Variants in STIM2 observed in about 807,000 individuals in gnomAD.
STIM2 encodes stromal interaction molecule 2.
A neutral mutation model predicts 85.8 loss-of-function variants in STIM2; 31 were observed. The ratio of observed to expected loss-of-function variants is 0.36; its 90% confidence interval spans 0.27 to 0.49. The LOEUF (loss-of-function observed/expected upper bound fraction) is 0.49, where lower values mean the gene tolerates loss of function less well. STIM2 is among the 20% of genes least tolerant of loss of function. STIM2 has a pLI of 0.98. For synonymous variants in STIM2, 356 were observed against 331.1 expected (o/e 1.08, Z -0.82); for missense variants, 841 against 927.6 (o/e 0.91, Z 1.21).
At chr4:27,020,178 T>A (rs1196463124) in intron 11 of STIM2, among the ~76,000 whole-genome samples, 1 of 152,216 alleles carries the variant, frequency 6.6e-6, no homozygotes, top group African/African-American at 2.4e-5. Flanking sequence ...GAGGCTAGTT[T>A]TTAAAATACT....
intron 2 of STIM2, among the ~76,000 whole-genome samples, chr4:26,929,979 A>T (rs1725145380): frequency 6.6e-6 from 1 of 152,146 alleles, no homozygotes; most frequent in South Asian, 2.1e-4. Context: ...AAGAGAATAA[A>T]TGTCTGATAA....
chr4:26,875,015 T>C (rs1187073931), intron 1 of STIM2, among the ~76,000 whole-genome samples: 1 of 152,214 alleles, frequency 6.6e-6, no homozygotes, highest in Non-Finnish European at 1.5e-5. Context: ...CAGTACTCAC[T>C]AGTTTGCAGA....
At chr4:26,907,840 A>G (rs1724186750) in intron 1 of STIM2, among the ~76,000 whole-genome samples, 1 of 152,222 alleles carries the variant, frequency 6.6e-6, no homozygotes, top group Non-Finnish European at 1.5e-5. Flanking sequence ...AATATCATTG[A>G]ACATCAAGTC....
At chr4:26,962,598 G>A (rs1005596902) in intron 3 of STIM2, among the ~76,000 whole-genome samples, 7 of 110,850 alleles carry the variant, frequency 6.3e-5, no homozygotes, top group African/African-American at 2.4e-4. Flanking sequence ...GTGTGTGTGT[G>A]TGTATGTGTG....
chr4:26,938,544 T>TAA (rs1725477417), intron 2 of STIM2, among the ~76,000 whole-genome samples: 1 of 152,162 alleles, frequency 6.6e-6, no homozygotes, highest in African/African-American at 2.4e-5. Flanking sequence ...CTATCCAGCA[T>TAA]TTAGCCTGCA....
intron 3 of STIM2, among the ~76,000 whole-genome samples, chr4:26,962,403 G>A (rs1030963056): frequency 6.6e-6 from 1 of 152,180 alleles, no homozygotes; most frequent in African/African-American, 2.4e-5. Flanking sequence ...AAAATGAACA[G>A]ACTAAGCTAT....
At chr4:26,865,557 TTGA>T (rs1722372098) in intron 1 of STIM2, among the ~76,000 whole-genome samples, 2 of 152,174 alleles carry the variant, frequency 1.3e-5, no homozygotes, top group Non-Finnish European at 2.9e-5. Flanking sequence ...GGCCTAATCA[TTGA>T]TGATAATTGT....
chr4:26,887,183 CTTTTTTTTTTT>C lies in STIM2; in HGVS notation c.151+25828_151+25838del, dbSNP rs34736602. 5.5e-4 allele frequency among the ~76,000 whole-genome samples: 39 copies of C among 70,958 alleles called. 1 individual carries two copies. Among genetic ancestry groups the C allele is most frequent in the African/African-American group, 1.6e-3 (28 of 17,666 alleles). The allele number at this position is 70,958 out of a possible 152,430, so 46.6% of individuals were successfully genotyped here. ...ATAAGCACCAAACCAAATAATTAAA[CTTTTTTTTTTT>C]TTTTTTTTTTTTTGCCTCTTGCCTT... On this transcript the variant is annotated intron_variant, in intron 1 of 11. Coordinates refer to ENST00000467087, the MANE Select transcript of STIM2 (RefSeq NM_020860.4).
intron 1 of STIM2, among the ~76,000 whole-genome samples, chr4:26,906,694 A>G (rs1724138775): frequency 6.6e-6 from 1 of 152,170 alleles, no homozygotes; most frequent in Non-Finnish European, 1.5e-5. Flanking sequence ...TGGACTGGAA[A>G]TGATATTCTG....
intron 1 of STIM2, among the ~76,000 whole-genome samples, chr4:26,902,173 A>G (rs1723949072): frequency 6.6e-6 from 1 of 152,164 alleles, no homozygotes; most frequent in African/African-American, 2.4e-5. Flanking sequence ...GTGGTGCTAG[A>G]GATAGGGAGA....
intron 4 of STIM2, among the ~76,000 whole-genome samples, chr4:26,997,322 C>A (rs943810992): frequency 3.9e-5 from 6 of 152,276 alleles, no homozygotes; most frequent in Admixed American, 6.5e-5. Flanking sequence ...GACATTAAAA[C>A]CCTTTACATT....
intron 1 of STIM2, among the ~76,000 whole-genome samples, chr4:26,891,318 G>A (rs902958730): frequency 3.3e-5 from 5 of 152,148 alleles, no homozygotes; most frequent in African/African-American, 1.2e-4. Flanking sequence ...TGAAAAAGAA[G>A]TATTTCTGCC....
Position 26,884,795 on chromosome 4 carries a change from C to T in STIM2, c.151+23426C>T, listed in dbSNP as rs563383320. 2.0e-5 allele frequency among the ~76,000 whole-genome samples: 3 copies of T among 152,222 alleles called. No homozygotes were observed. In the East Asian group the frequency reaches 5.8e-4, roughly 29 times the overall value. ...CTTCACATGAAATAACTCATTTAGT[C>T]CTCACAAGCTTATGGGGTAGATCCG... On this transcript the variant is annotated intron_variant, in intron 1 of 11. Transcript: ENST00000467087.
chr4:26,899,783 T>C (rs1023460284), intron 1 of STIM2, among the ~76,000 whole-genome samples: 8 of 152,180 alleles, frequency 5.3e-5, no homozygotes, highest in African/African-American at 1.7e-4. Flanking sequence ...ATTTTAAAAA[T>C]AGACTTTGTA....
chr4:26,990,326 A>C (rs1178086183), intron 3 of STIM2, among the ~76,000 whole-genome samples: 1 of 152,158 alleles, frequency 6.6e-6, no homozygotes, highest in Non-Finnish European at 1.5e-5. Flanking sequence ...ACTCATTTTC[A>C]ACAAAGGCAC....
chr4:26,982,184 C>T (rs1010935244), intron 3 of STIM2, among the ~76,000 whole-genome samples: 1 of 152,156 alleles, frequency 6.6e-6, no homozygotes, highest in African/African-American at 2.4e-5. Flanking sequence ...ATATCAACAT[C>T]TTGTCCGTGA....
intron 1 of STIM2, among the ~76,000 whole-genome samples, chr4:26,892,751 G>C (rs1723543972): frequency 6.6e-6 from 1 of 152,130 alleles, no homozygotes; most frequent in African/African-American, 2.4e-5. Flanking sequence ...ACGTAGGGCT[G>C]GAAAGTTGAT....
At chr4:27,021,036 G>A (rs1260620197) in intron 11 of STIM2, 6 of 1,536,396 alleles carry the variant, frequency 3.9e-6, no homozygotes, top group African/African-American at 1.4e-5. Flanking sequence ...AAAAGTGAAT[G>A]AGACTAAGTA....
chr4:27,019,478 C>T (rs561122624), intron 11 of STIM2: 74 of 1,289,612 alleles, frequency 5.7e-5, no homozygotes, highest in African/African-American at 1.2e-4. Context: ...AAGGAAAACT[C>T]GAGAGCTGCA....
Sources: allele counts gnomAD v4.1 joint callset (sites outside exome capture counted in the v4.1 genomes callset), GRCh38; gene constraint gnomAD v4.1.1; transcripts MANE v1.5; gene names NCBI Gene and HGNC (gene_info 2026-07-23, HGNC 2026-07-21).